PZP: variants seen among roughly 807,000 people sequenced by gnomAD.
PZP encodes the protein pregnancy zone protein.
PZP carries 150 observed loss-of-function variants against 179.8 expected under a neutral mutation model. The ratio of observed to expected loss-of-function variants is 0.83; its 90% CI spans 0.73 to 0.96. PZP has a LOEUF of 0.96. PZP is among the 40% of genes least tolerant of loss of function. The probability of loss-of-function intolerance (pLI) is 0.00; values close to 1 mark genes in which losing one functional copy is unlikely to be tolerated. For missense variants in PZP, 1,689 were observed against 1,764.0 expected (o/e 0.96, Z 0.76); for synonymous variants, 624 against 652.3 (o/e 0.96, Z 0.66).
chr12:9,144,922 G>T (rs955991705), downstream of PZP, among the ~76,000 whole-genome samples: 2 of 152,180 alleles, frequency 1.3e-5, no homozygotes, highest in African/African-American at 4.8e-5. Context: ...GCCCTTTGGG[G>T]CAGTTTTTGA....
intron 21 of PZP, 111 bp downstream of exon 21, chr12:9,163,557 T>C (rs1442501249): frequency 8.0e-7 from 1 of 1,244,500 alleles, no homozygotes; most frequent in African/African-American, 1.5e-5. Flanking sequence ...ATTCCATTAG[T>C]CTTACAGGAT....
chr12:9,202,785 AG>A lies in PZP; in HGVS notation c.268-102del, dbSNP rs1944241257. The stretch of plus-strand genomic sequence containing the variant: ...TCCTATCTCTCCTTCAGCTTCACCA[AG>A]GAGAAGGAAGGTGTGACTATTTCTT... On this transcript the variant is annotated intron_variant, in intron 2 of 35. Transcript: ENST00000261336. 4 of 1,107,208 alleles carry A rather than the reference AG, an allele frequency of 3.6e-6. No individual in the cohort carries two copies. The Admixed American group carries it at 1.0e-4, about 28-fold the overall frequency. 68.6% of individuals were successfully genotyped at this position (1,107,208 alleles called of 1,614,324 possible). A position where few individuals can be genotyped will look rare whatever the true frequency, so the allele number is the denominator to read the frequency against.
intron 35 of PZP, 118 bp from the exon 36 acceptor site, chr12:9,149,112 T>A: frequency 1.1e-6 from 1 of 876,156 alleles, no homozygotes; most frequent in Non-Finnish European, 1.9e-6. Context: ...GGCCAGATGG[T>A]AATTATTTTA....
chr12:9,192,861 A>G, intron 11 of PZP, 122 bp from the exon 12 acceptor site: 1 of 606,158 alleles, frequency 1.6e-6, no homozygotes, highest in Non-Finnish European at 2.9e-6. Flanking sequence ...TCTCCCTCAT[A>G]CTGGTCGACA....
In PZP at chr12:9,182,067, T is replaced by C. The variant is rs1942798316; in HGVS notation, c.1597A>G (p.Ile533Val). The change falls in exon 14 of 36, where the codon ATT becomes GTT. Residue 533 changes from isoleucine (I) to valine (V), a missense_variant. By Grantham distance (29) the Ile-to-Val change is conservative (BLOSUM62 3). Coordinates refer to ENST00000261336, the MANE Select transcript of PZP (RefSeq NM_002864.3). ...ATGGCAAAGATGAACATTCGTGCAA[T>C]GGGGGCAACGTCTGACTCCACAGGG... Reference protein sequence around the residue: ...SFPVESDVAPIARMFIFAILP... With the variant: ...SFPVESDVAPVARMFIFAILP... The C allele has an allele frequency of 1.2e-6, 2 of 1,613,694 alleles. No homozygotes were observed. Among genetic ancestry groups the C allele is most frequent in the Non-Finnish European group, 8.5e-7 (1 of 1,179,864 alleles).
rs1944310981 is a variant in PZP, at chr12:9,203,798, C to T, written c.237G>A (p.Glu79=). 6.2e-7 allele frequency: 1 copy of T among 1,614,112 alleles called. No individual in the cohort carries two copies. Among genetic ancestry groups the T allele is most frequent in the Non-Finnish European group, 8.5e-7 (1 of 1,180,024 alleles). ...NRSLFTDLVA[E]KDLFHCVSFT... ...AGGAGACACAGTGGAATAAGTCCTT[C>T]TCCGCCACCAGGTCAGTGAAGAGGC... The change falls in exon 2 of 36, where the codon GAG becomes GAA. Residue 79 remains glutamate (E), a synonymous_variant. Transcript: ENST00000261336.
At chr12:9,188,567 G>T (rs1456592518) in intron 13 of PZP, among the ~76,000 whole-genome samples, 1 of 152,224 alleles carries the variant, frequency 6.6e-6, no homozygotes, top group Non-Finnish European at 1.5e-5. Context: ...AGCATAGGAA[G>T]AGAGGAAGTC....
At chr12:9,201,657 T>C (rs1042202357) in intron 4 of PZP, among the ~76,000 whole-genome samples, 3 of 152,140 alleles carry the variant, frequency 2.0e-5, no homozygotes, top group Non-Finnish European at 2.9e-5. Context: ...AATATGACTA[T>C]ACTGCTTACT....
chr12:9,194,105 C>T lies in PZP; in HGVS notation c.1226G>A (p.Ser409Asn), dbSNP rs1407470859. The T allele has an allele frequency of 1.2e-6, 2 of 1,613,682 alleles. No homozygotes were observed. Among genetic ancestry groups the T allele is most frequent in the South Asian group, 1.1e-5 (1 of 90,994 alleles). The change falls in exon 11 of 36, where the codon AGT becomes AAT. Residue 409 changes from serine (S) to asparagine (N), a missense_variant. Transcript: ENST00000261336. ...GLAQFSINTT[S>N]ISVNKLFVRV... ...GACAAAAAGTTTATTAACCGAGATACTGGTAGTATTGATTGAAAACTGTGC... is the reference window on the plus strand; with the variant it reads ...GACAAAAAGTTTATTAACCGAGATATTGGTAGTATTGATTGAAAACTGTGC...
intron 13 of PZP, among the ~76,000 whole-genome samples, chr12:9,183,209 A>G (rs986343583): frequency 6.6e-6 from 1 of 152,222 alleles, no homozygotes; most frequent in Non-Finnish European, 1.5e-5. Context: ...TCTAACACAC[A>G]ACATGAAGAC....
rs372620518 is a variant in PZP, at chr12:9,202,351, C to T, written c.448G>A (p.Val150Met). 17 of 1,614,128 alleles carry T rather than the reference C, an allele frequency of 1.1e-5. No individual in the cohort carries two copies. The African/African-American group carries it at 1.3e-4, about 13-fold the overall frequency. Residue 150 changes from valine to methionine, a missense_variant, in exon 4 of 36, where the codon GTG (valine) becomes ATG (methionine). This residue lies in a region of PZP where 742 missense variants were observed against 730.5 expected (regional missense o/e 1.02). Coordinates refer to ENST00000261336, the MANE Select transcript of PZP (RefSeq NM_002864.3). The part of the protein sequence containing the change: ...GQTVRFRVVS[V>M]DENFRPRNEL... ...TTTCGAGGGCGAAAATTTTCATCCA[C>T]GGAGACAACACGGAATCTTACTGGA... is the stretch of plus-strand genomic sequence containing the variant.
chr12:9,196,735 G>T, intron 8 of PZP, 50 bp from the exon 9 acceptor site: 2 of 1,443,416 alleles, frequency 1.4e-6, no homozygotes, highest in Non-Finnish European at 9.7e-7. Flanking sequence ...GAGATCAATA[G>T]TCACTGAATC....
chr12:9,185,362 AC>A (rs1427009056), intron 13 of PZP, among the ~76,000 whole-genome samples: 2 of 152,234 alleles, frequency 1.3e-5, no homozygotes, highest in Non-Finnish European at 2.9e-5. Flanking sequence ...CTGCAATACA[AC>A]AGTCAGACAA....
At chr12:9,181,609 T>G (rs1280312585) in intron 14 of PZP, among the ~76,000 whole-genome samples, 1 of 152,232 alleles carries the variant, frequency 6.6e-6, no homozygotes, top group Admixed American at 6.5e-5. Flanking sequence ...TAAGGATAGA[T>G]ACCTTGTTAG....
rs891100980 is a variant in PZP at position 9,159,833 on chromosome 12, G to C, written c.3137+105C>G. On this transcript the variant is annotated intron_variant, in intron 25 of 35. Coordinates refer to ENST00000261336, the MANE Select transcript of PZP (RefSeq NM_002864.3). Reference sequence around the variant, plus strand: ...ATTTCTTTTCTTTATAAATTACCTAGTTTCAGGTATTCTGTTATAAGCAAC... The same window carrying C: ...ATTTCTTTTCTTTATAAATTACCTACTTTCAGGTATTCTGTTATAAGCAAC... 3.1e-5 allele frequency: 31 copies of C among 993,502 alleles called. No homozygotes were observed. The highest frequency in any genetic ancestry group is 4.4e-5 in the Non-Finnish European group (29 of 659,368). The allele number at this position is 993,502 out of a possible 1,614,324, so 61.5% of individuals were successfully genotyped here.
chr12:9,147,986 C>A (rs1318908077), downstream of PZP, among the ~76,000 whole-genome samples: 1 of 151,970 alleles, frequency 6.6e-6, no homozygotes, highest in East Asian at 1.9e-4. Flanking sequence ...ATTCTTGCCT[C>A]TTCTCAAATA....
At chr12:9,168,154 A>G (rs1941723003) in intron 17 of PZP, among the ~76,000 whole-genome samples, 1 of 152,204 alleles carries the variant, frequency 6.6e-6, no homozygotes, top group Non-Finnish European at 1.5e-5. Flanking sequence ...GCGTTTTGCA[A>G]GGTCTTGAAG....
intron 13 of PZP, among the ~76,000 whole-genome samples, chr12:9,191,536 A>C (rs1943456265): frequency 6.6e-6 from 1 of 152,162 alleles, no homozygotes. Flanking sequence ...GCAGGAAGAG[A>C]AACTACATAA....
intron 17 of PZP, among the ~76,000 whole-genome samples, chr12:9,167,829 TA>T (rs1941700588): frequency 6.6e-6 from 1 of 152,228 alleles, no homozygotes; most frequent in Non-Finnish European, 1.5e-5. Flanking sequence ...CTCAATGGTT[TA>T]AACTTGAAGT....
Sources: allele counts gnomAD v4.1 joint callset (sites outside exome capture counted in the v4.1 genomes callset), GRCh38; gene constraint gnomAD v4.1.1; regional missense constraint gnomAD v4.1.1; transcripts MANE v1.5; gene names NCBI Gene and HGNC (gene_info 2026-07-23, HGNC 2026-07-21).